Variants in PTPRD observed in about 807,000 individuals in gnomAD.
PTPRD encodes receptor-type tyrosine-protein phosphatase delta.
PTPRD carries 34 observed loss-of-function variants against 214.5 expected under a neutral mutation model. That is an observed-to-expected ratio of 0.16 (90% CI 0.12 to 0.21). PTPRD has a LOEUF of 0.21. Among genes scored for constraint, PTPRD ranks in the 10% least tolerant of loss-of-function variants. The probability of loss-of-function intolerance (pLI) is 1.00; values close to 1 mark genes in which losing one functional copy is unlikely to be tolerated. For missense variants in PTPRD, 2,545 were observed against 2,398.7 expected (o/e 1.06, Z -1.27); for synonymous variants, 1,128 against 845.7 (o/e 1.33, Z -5.79).
intron 2 of PTPRD, among the ~76,000 whole-genome samples, chr9:10,606,068 T>C (rs1020148294): frequency 1.3e-5 from 2 of 151,750 alleles, no homozygotes; most frequent in Non-Finnish European, 2.9e-5. Context: ...TTGATTTCTG[T>C]AGCAAAATCA....
At chr9:9,626,896 T>C (rs866929217) in intron 7 of PTPRD, among the ~76,000 whole-genome samples, 6 of 151,968 alleles carry the variant, frequency 3.9e-5, no homozygotes, top group African/African-American at 1.5e-4. Flanking sequence ...GAAGGAAAAA[T>C]GGGAGAAGCA....
At chr9:9,217,648 G>A in intron 9 of PTPRD, among the ~76,000 whole-genome samples, 1 of 152,008 alleles carries the variant, frequency 6.6e-6, no homozygotes, top group Admixed American at 6.6e-5. Flanking sequence ...GTTTCTAAGG[G>A]CCTGCCAGAA....
chr9:8,714,284 T>C (rs1352261609), intron 12 of PTPRD, among the ~76,000 whole-genome samples: 1 of 148,796 alleles, frequency 6.7e-6, no homozygotes, highest in Non-Finnish European at 1.5e-5. Flanking sequence ...CATCTTTACC[T>C]TTCCCCTTTA....
intron 34 of PTPRD, among the ~76,000 whole-genome samples, chr9:8,439,660 A>C (rs925627409): frequency 6.6e-6 from 1 of 152,244 alleles, no homozygotes; most frequent in Non-Finnish European, 1.5e-5. Flanking sequence ...TGTTTAGCTC[A>C]TATCAGAAAA....
chr9:9,956,864 A>G (rs1386862638), intron 4 of PTPRD, among the ~76,000 whole-genome samples: 2 of 152,240 alleles, frequency 1.3e-5, no homozygotes, highest in Non-Finnish European at 2.9e-5. Context: ...AAATGTATGA[A>G]TAAATTGTAA....
chr9:8,494,319 T>C (rs1438263497), intron 26 of PTPRD, among the ~76,000 whole-genome samples: 5 of 152,132 alleles, frequency 3.3e-5, no homozygotes, highest in African/African-American at 1.2e-4. Context: ...ATTCAAGAAG[T>C]TCAGATATCA....
intron 39 of PTPRD, among the ~76,000 whole-genome samples, chr9:8,353,943 T>C (rs201665006): frequency 1.5e-5 from 1 of 66,380 alleles, no homozygotes; most frequent in African/African-American, 5.0e-5. Flanking sequence ...TGTACATATA[T>C]ATATATATAT....
chr9:9,523,137 A>C (rs2050060991), intron 8 of PTPRD, among the ~76,000 whole-genome samples: 1 of 152,196 alleles, frequency 6.6e-6, no homozygotes, highest in Admixed American at 6.5e-5. Context: ...AATGAATTTT[A>C]AGTTTTATAA....
chr9:10,118,910 G>C (rs1049684341), intron 3 of PTPRD, among the ~76,000 whole-genome samples: 3 of 138,928 alleles, frequency 2.2e-5, no homozygotes, highest in Non-Finnish European at 4.9e-5. Context: ...AATAATAAAG[G>C]AGATGAAGGA....
chr9:9,696,685 T>C (rs2097380595), intron 7 of PTPRD, among the ~76,000 whole-genome samples: 1 of 152,170 alleles, frequency 6.6e-6, no homozygotes, highest in Admixed American at 6.6e-5. Context: ...TTATAGTCTA[T>C]GTGTGTCTTT....
chr9:8,632,011 C>T (rs1327285731), intron 14 of PTPRD, among the ~76,000 whole-genome samples: 1 of 151,770 alleles, frequency 6.6e-6, no homozygotes, highest in Non-Finnish European at 1.5e-5. Flanking sequence ...GATATACATC[C>T]AATTGTCAAT....
chr9:10,117,068 T>C (rs562898978), intron 3 of PTPRD, among the ~76,000 whole-genome samples: 1 of 152,294 alleles, frequency 6.6e-6, no homozygotes, highest in South Asian at 2.1e-4. Flanking sequence ...TACCCGCTCG[T>C]AGAATATAAA....
intron 12 of PTPRD, among the ~76,000 whole-genome samples, chr9:8,721,582 T>G (rs1037822346): frequency 1.3e-5 from 2 of 152,106 alleles, no homozygotes; most frequent in African/African-American, 4.8e-5. Flanking sequence ...ATAAAATAGT[T>G]TATAATAATG....
intron 2 of PTPRD, among the ~76,000 whole-genome samples, chr9:10,545,237 G>A (rs1302294834): frequency 6.6e-6 from 1 of 152,130 alleles, no homozygotes; most frequent in Non-Finnish European, 1.5e-5. Context: ...TACTCAAAAG[G>A]TACTGATGGA....
chr9:9,762,856 T>C (rs1412640171), intron 6 of PTPRD, among the ~76,000 whole-genome samples: 3 of 152,222 alleles, frequency 2.0e-5, no homozygotes, highest in Non-Finnish European at 4.4e-5. Context: ...CATAGCAAGA[T>C]ACCATAGACC....
chr9:9,074,170 CA>C (rs746291274), intron 10 of PTPRD, among the ~76,000 whole-genome samples: 1 of 152,100 alleles, frequency 6.6e-6, no homozygotes, highest in Non-Finnish European at 1.5e-5. Flanking sequence ...CTTATTTTGA[CA>C]GTGAAATGAT....
chr9:8,334,401 A>C (rs1844637083), intron 43 of PTPRD, among the ~76,000 whole-genome samples: 1 of 151,076 alleles, frequency 6.6e-6, no homozygotes, highest in African/African-American at 2.4e-5. Flanking sequence ...AAAACCACAC[A>C]ACTACATGGA....
chr9:8,438,257 G>C (rs929796239), intron 34 of PTPRD, among the ~76,000 whole-genome samples: 1 of 152,188 alleles, frequency 6.6e-6, no homozygotes, highest in Admixed American at 6.5e-5. Flanking sequence ...GTTCTGGTAA[G>C]TTAAGTAAAA....
intron 10 of PTPRD, among the ~76,000 whole-genome samples, chr9:9,133,194 C>T (rs10977511): frequency 6.6e-6 from 1 of 152,110 alleles, no homozygotes; most frequent in East Asian, 1.9e-4. Flanking sequence ...ATCCTAAAAC[C>T]ATTGGAAGAG....
Sources: gnomAD v4.1 joint callset for allele counts (sites outside exome capture counted in the v4.1 genomes callset) on GRCh38, gnomAD v4.1.1 for gene constraint, MANE v1.5 for transcripts, NCBI Gene and HGNC (gene_info 2026-07-23, HGNC 2026-07-21) for gene names.